The following FOXN3 variants were observed in gnomAD, a reference collection of about 807,000 sequenced individuals.
The protein encoded by FOXN3 is forkhead box N3, also known as forkhead box protein N3.
In FOXN3, 7 loss-of-function variants were observed where a neutral mutation model predicts 38.4. The ratio of observed to expected loss-of-function variants is 0.18; its 90% confidence interval spans 0.10 to 0.34. The LOEUF (loss-of-function observed/expected upper bound fraction) is 0.34, where lower values mean the gene tolerates loss of function less well. FOXN3 is among the 10% of genes least tolerant of loss of function. FOXN3 has a pLI of 1.00. For synonymous variants in FOXN3, 230 were observed against 242.2 expected, an observed-to-expected ratio of 0.95 and a Z score of 0.47; for missense variants, 456 against 613.4, an observed-to-expected ratio of 0.74 and a Z score of 2.71.
chr14:89,490,495 C>T (rs1359245448), intron 1 of FOXN3, among the ~76,000 whole-genome samples: 1 of 152,204 alleles, frequency 6.6e-6, no homozygotes, highest in African/African-American at 2.4e-5. Context: ...GTCCACACAC[C>T]TGGGGCGCTA....
chr14:89,498,210 C>CTTTTTTTTTTTTT (rs547081117), intron 1 of FOXN3, among the ~76,000 whole-genome samples: 2 of 81,058 alleles, frequency 2.5e-5, no homozygotes, highest in African/African-American at 5.8e-5. Flanking sequence ...CTCTCTCTCT[C>CTTTTTTTTTTTTT]TTTTTTTTTT....
At chr14:89,365,265 C>A (rs1416547909) in intron 2 of FOXN3, among the ~76,000 whole-genome samples, 8 of 152,200 alleles carry the variant, frequency 5.3e-5, no homozygotes, top group Admixed American at 5.2e-4. Flanking sequence ...GACAGATCTA[C>A]TCAGTATTTG....
intron 1 of FOXN3, among the ~76,000 whole-genome samples, chr14:89,582,194 C>T (rs1895753862): frequency 1.3e-5 from 2 of 152,276 alleles, no homozygotes; most frequent in South Asian, 4.2e-4. Context: ...TATGTCCATC[C>T]TTGTTCTCTT....
chr14:89,280,222 T>C (rs1886418329), intron 4 of FOXN3, among the ~76,000 whole-genome samples: 1 of 152,246 alleles, frequency 6.6e-6, no homozygotes, highest in Admixed American at 6.5e-5. Context: ...AAGTAATTTC[T>C]AAAAGGATTA....
intron 1 of FOXN3, among the ~76,000 whole-genome samples, chr14:89,413,666 G>A (rs1290554133): frequency 5.8e-5 from 8 of 137,864 alleles, no homozygotes; most frequent in African/African-American, 2.1e-4. Flanking sequence ...AGAAGGGAAG[G>A]GAATGGAAGA....
At chr14:89,276,449 A>G (rs1487198916) in intron 4 of FOXN3, among the ~76,000 whole-genome samples, 2 of 152,244 alleles carry the variant, frequency 1.3e-5, no homozygotes, top group Non-Finnish European at 2.9e-5. Context: ...CCAGAAGGGT[A>G]TAAGGGTGTC....
intron 3 of FOXN3, among the ~76,000 whole-genome samples, chr14:89,297,402 C>CA (rs1201276307): frequency 1.3e-5 from 2 of 151,056 alleles, no homozygotes. Flanking sequence ...ACTAAAAATA[C>CA]AAAAAAAATT....
chr14:89,329,413 G>A lies in FOXN3; in HGVS notation c.680+21259C>T, dbSNP rs143373018. Among the ~76,000 whole-genome samples the A allele has an allele frequency of 3.5e-3, 532 of 152,264 alleles. 3 individuals are homozygous for A. The highest frequency in any genetic ancestry group is 0.012 in the African/African-American group (511 of 41,540). On this transcript the variant is annotated intron_variant, in intron 3 of 5. Coordinates refer to ENST00000557258, the MANE Select transcript of FOXN3 (RefSeq NM_005197.4). ...GTGGTCCTCAACTGGGGTTGGTTTT[G>A]CTCCCCAGGGAACATCTGGCAATAT... is the stretch of plus-strand genomic sequence containing the variant.
At chr14:89,483,687 C>A (rs540489879) in intron 1 of FOXN3, among the ~76,000 whole-genome samples, 2 of 152,174 alleles carry the variant, frequency 1.3e-5, no homozygotes, top group Non-Finnish European at 2.9e-5. Flanking sequence ...GGATTACAGG[C>A]GTGAGCCACT....
intron 1 of FOXN3, among the ~76,000 whole-genome samples, chr14:89,519,508 G>A (rs186057408): frequency 1.3e-5 from 2 of 152,284 alleles, no homozygotes; most frequent in Non-Finnish European, 2.9e-5. Context: ...GGTGGAAACA[G>A]TGAAGGTGGT....
chr14:89,414,248 T>C (rs1341772973), intron 1 of FOXN3, among the ~76,000 whole-genome samples: 2 of 151,354 alleles, frequency 1.3e-5, no homozygotes, highest in Non-Finnish European at 3.0e-5. Flanking sequence ...GCCCAGGAGG[T>C]TGAGGCTCAC....
At position 89,528,736 on chromosome 14, in the gene FOXN3, G is replaced by GAC. The variant is rs894852074; in HGVS notation, c.-15+90290_-15+90291dup. ...TAAGTATGCTGAATGAAAGATCCTGGACACACACACACACCCCTCAAAAAA... is the reference window on the plus strand; with the variant it reads ...TAAGTATGCTGAATGAAAGATCCTGGACACACACACACACACCCCTCAAAAAA... On this transcript the variant is annotated intron_variant, in intron 1 of 6. Transcript: ENST00000345097. Among the ~76,000 whole-genome samples, 33 of 151,392 alleles carry GAC rather than the reference G, an allele frequency of 2.2e-4. No individual in the cohort carries two copies. In the South Asian group the frequency reaches 2.7e-3, roughly 12 times the overall value.
intron 4 of FOXN3, among the ~76,000 whole-genome samples, chr14:89,224,981 T>C (rs565708365): frequency 6.6e-6 from 1 of 151,496 alleles, no homozygotes; most frequent in Non-Finnish European, 1.5e-5. Flanking sequence ...ATAAAAAAAT[T>C]AGCTGGGTGT....
chr14:89,328,637 T>C (rs905016806), intron 3 of FOXN3, among the ~76,000 whole-genome samples: 39 of 152,186 alleles, frequency 2.6e-4, no homozygotes, highest in African/African-American at 9.2e-4. Context: ...GAAGAGACAT[T>C]CCCACCAGCA....
Position 89,335,432 on chromosome 14 carries a change from G to A in FOXN3, c.680+15240C>T, listed in dbSNP as rs74078098. Among the ~76,000 whole-genome samples, 1,063 of 152,280 alleles carry A rather than the reference G, an allele frequency of 7.0e-3. 16 individuals carry two copies. The highest frequency in any genetic ancestry group is 0.025 in the African/African-American group (1,020 of 41,570). ...TGGCCACAAGTGGTCTATTGAACTT[G>A]GCACAGCCAAAATGACCAACAGTGC... On this transcript the variant is annotated intron_variant, in intron 3 of 5. Transcript: ENST00000557258.
chr14:89,430,862 T>C (rs1392003494), intron 1 of FOXN3, among the ~76,000 whole-genome samples: 1 of 152,228 alleles, frequency 6.6e-6, no homozygotes, highest in Non-Finnish European at 1.5e-5. Flanking sequence ...AATTGTGCCC[T>C]GCACACACCT....
chr14:89,505,185 G>C (rs1893886851), intron 1 of FOXN3, among the ~76,000 whole-genome samples: 1 of 152,124 alleles, frequency 6.6e-6, no homozygotes, highest in Non-Finnish European at 1.5e-5. Flanking sequence ...TATTGTTGTT[G>C]TATAGTTCTT....
At chr14:89,398,814 T>C (rs1348643234) in intron 2 of FOXN3, among the ~76,000 whole-genome samples, 1 of 152,154 alleles carries the variant, frequency 6.6e-6, no homozygotes, top group South Asian at 2.1e-4. Flanking sequence ...GGAGAAACCC[T>C]GTCTCTACTA....
At chr14:89,329,855 C>CAAAAAAAAAAAAAAAA (rs57791098) in intron 3 of FOXN3, among the ~76,000 whole-genome samples, 2 of 59,866 alleles carry the variant, frequency 3.3e-5, no homozygotes, top group African/African-American at 1.2e-4. Flanking sequence ...GACTCAGTCT[C>CAAAAAAAAAAAAAAAA]AAAAAAAAAA....
Sources: gnomAD v4.1 joint callset for allele counts (sites outside exome capture counted in the v4.1 genomes callset) on GRCh38, gnomAD v4.1.1 for gene constraint, MANE v1.5 for transcripts, NCBI Gene and HGNC (gene_info 2026-07-23, HGNC 2026-07-21) for gene names.